Variants in TACC1 observed in about 807,000 individuals in gnomAD.
The protein encoded by TACC1 is transforming acidic coiled-coil-containing protein 1.
A neutral mutation model predicts 84.4 loss-of-function variants in TACC1; 48 were observed. That is an observed-to-expected ratio of 0.57 (90% CI 0.45 to 0.72). The LOEUF (loss-of-function observed/expected upper bound fraction) is 0.72. Among genes scored for constraint, TACC1 ranks in the 30% least tolerant of loss-of-function variants. The pLI is 0.00. For missense variants in TACC1, 920 were observed against 973.0 expected (o/e 0.95, Z 0.72); for synonymous variants, 372 against 376.3 (o/e 0.99, Z 0.13).
chr8:38,737,730 CT>C (rs11327216), intron 1 of TACC1, among the ~76,000 whole-genome samples: 2,397 of 142,998 alleles, frequency 0.017, 44 homozygotes, highest in African/African-American at 0.051. Flanking sequence ...GGGAGCCATT[CT>C]TTTTTTTTTT....
At chr8:38,842,660 A>G (rs959773318) in intron 10 of TACC1, among the ~76,000 whole-genome samples, 1 of 152,184 alleles carries the variant, frequency 6.6e-6, no homozygotes, top group African/African-American at 2.4e-5. Context: ...ACTGGGTGCC[A>G]TGTCTTGGCC....
chr8:38,765,742 C>T (rs374299514), intron 3 of TACC1, among the ~76,000 whole-genome samples: 38 of 152,186 alleles, frequency 2.5e-4, no homozygotes, highest in African/African-American at 9.2e-4. Flanking sequence ...TGCATGAAAT[C>T]TGAATATTTG....
intron 3 of TACC1, among the ~76,000 whole-genome samples, chr8:38,754,258 C>T (rs1809600198): frequency 6.6e-6 from 1 of 152,066 alleles, no homozygotes; most frequent in Admixed American, 6.6e-5. Context: ...GGCCTTTTTC[C>T]TTTACTTTCA....
chr8:38,810,618 A>G (rs893384126), intron 2 of TACC1, among the ~76,000 whole-genome samples: 1 of 151,552 alleles, frequency 6.6e-6, no homozygotes, highest in Non-Finnish European at 1.5e-5. Flanking sequence ...AAATAAATAA[A>G]TATTTAAAAT....
chr8:38,847,905 T>G, intron 12 of TACC1, 50 bp from the exon 13 acceptor site: 1 of 1,534,008 alleles, frequency 6.5e-7, no homozygotes. Flanking sequence ...CTATTTGCCT[T>G]TATTTCAGAA....
At chr8:38,795,163 AC>A (rs1261344963) in intron 2 of TACC1, among the ~76,000 whole-genome samples, 4 of 152,296 alleles carry the variant, frequency 2.6e-5, no homozygotes, top group Admixed American at 2.6e-4. Flanking sequence ...ATGGTGCCTT[AC>A]CCAAGGGAGT....
chr8:38,845,182 C>T (rs1286877622), intron 11 of TACC1, among the ~76,000 whole-genome samples: 1 of 152,344 alleles, frequency 6.6e-6, no homozygotes, highest in East Asian at 1.9e-4. Flanking sequence ...GCCTCGGTCT[C>T]CCAAAGTGCA....
At chr8:38,840,109 G>T in intron 8 of TACC1, 115 bp from the exon 9 acceptor site, 2 of 573,150 alleles carry the variant, frequency 3.5e-6, no homozygotes, top group South Asian at 2.2e-5. Flanking sequence ...CAGATAAATG[G>T]ATTACATACA....
chr8:38,824,201 C>T (rs1212372946), intron 3 of TACC1, among the ~76,000 whole-genome samples: 1 of 152,152 alleles, frequency 6.6e-6, no homozygotes, highest in African/African-American at 2.4e-5. Flanking sequence ...GTTGTCCATA[C>T]CTAAGGGAGT....
chr8:38,807,918 A>G (rs1168546846), intron 2 of TACC1, among the ~76,000 whole-genome samples: 1 of 152,240 alleles, frequency 6.6e-6, no homozygotes, highest in African/African-American at 2.4e-5. Flanking sequence ...AATAAGCATA[A>G]AAAGCATCTA....
Position 38,849,289 on chromosome 8 carries a change from CTA to C in TACC1, c.*1267_*1268del, listed in dbSNP as rs2152345690. 6.6e-6 allele frequency: 1 copy of C among 152,296 alleles called. No homozygotes were observed. The highest frequency in any genetic ancestry group is 2.4e-5 in the African/African-American group (1 of 41,556). The allele number at this position is 152,296 out of a possible 1,614,324, so 9.4% of individuals were successfully genotyped here. On this transcript the variant is annotated 3_prime_UTR_variant, in exon 13 of 13. Transcript: ENST00000317827. ...GAGGAGTGCAAGGAGAAGGTCTGTA[CTA>C]ACAAAGCCAAATTCCTCAAGCTCTT...
chr8:38,787,257 G>C lies in TACC1; in HGVS notation c.-326G>C. On this transcript the variant is annotated 5_prime_UTR_variant, in exon 1 of 13. Coordinates refer to ENST00000317827, the MANE Select transcript of TACC1 (RefSeq NM_006283.3). ...GCGGGAGTCCGCGAGCCGGGAGCGGGAGCAGCAGAGGTCTAGCAGCCGGGC... is the reference window on the plus strand; with the variant it reads ...GCGGGAGTCCGCGAGCCGGGAGCGGCAGCAGCAGAGGTCTAGCAGCCGGGC... 9.6e-7 allele frequency: 1 copy of C among 1,040,076 alleles called. No individual in the cohort carries two copies. Among genetic ancestry groups the C allele is most frequent in the Non-Finnish European group, 1.2e-6 (1 of 866,072 alleles). The allele number at this position is 1,040,076 out of a possible 1,614,324, so 64.4% of individuals were successfully genotyped here. A position where few individuals can be genotyped will look rare whatever the true frequency, so the allele number is the denominator to read the frequency against.
upstream of TACC1, among the ~76,000 whole-genome samples, chr8:38,787,007 T>A (rs1405521462): frequency 1.3e-5 from 2 of 151,556 alleles, no homozygotes; most frequent in African/African-American, 2.4e-5. Context: ...CCGGCGGACC[T>A]GTGGGGTATG....
chr8:38,798,997 A>G (rs922545044), intron 2 of TACC1, among the ~76,000 whole-genome samples: 4 of 152,094 alleles, frequency 2.6e-5, no homozygotes, highest in South Asian at 2.1e-4. Flanking sequence ...AAACTGGGGG[A>G]AAAAAACACT....
At chr8:38,831,324 T>C (rs1260135946) in intron 6 of TACC1, 147 bp downstream of exon 6, 6 of 805,558 alleles carry the variant, frequency 7.4e-6, no homozygotes, top group Non-Finnish European at 1.0e-5. Flanking sequence ...GAGGAACACA[T>C]AGTCTCTGCA....
chr8:38,797,855 G>C (rs1193614597), intron 2 of TACC1, among the ~76,000 whole-genome samples: 2 of 152,222 alleles, frequency 1.3e-5, no homozygotes, highest in African/African-American at 4.8e-5. Flanking sequence ...GGATGGGGGA[G>C]AAGTTTTGTG....
intron 1 of TACC1, among the ~76,000 whole-genome samples, chr8:38,729,799 G>A (rs987253976): frequency 6.6e-5 from 10 of 152,284 alleles, no homozygotes; most frequent in Admixed American, 6.5e-4. Context: ...AACCCGGGAG[G>A]TGGAGGTTAT....
intron 1 of TACC1, among the ~76,000 whole-genome samples, chr8:38,733,050 C>T (rs190219745): frequency 2.0e-3 from 298 of 152,334 alleles, no homozygotes; most frequent in Non-Finnish European, 3.0e-3. Flanking sequence ...TGCATCTGAG[C>T]AAGGAGACTG....
At chr8:38,754,047 G>A (rs11991738) in intron 3 of TACC1, among the ~76,000 whole-genome samples, 2,501 of 150,784 alleles carry the variant, frequency 0.017, 29 homozygotes, top group African/African-American at 0.036. Context: ...TCTGCCTCCC[G>A]GGTTCAAGCG....
Sources: allele counts gnomAD v4.1 joint callset (sites outside exome capture counted in the v4.1 genomes callset), GRCh38; gene constraint gnomAD v4.1.1; transcripts MANE v1.5; gene names NCBI Gene and HGNC (gene_info 2026-07-23, HGNC 2026-07-21).